Variants in CEP120 observed in about 807,000 individuals in gnomAD.
The protein encoded by CEP120 is centrosomal protein 120.
Under a neutral mutation model 126.5 loss-of-function variants are expected in CEP120, and 113 were observed. The ratio of observed to expected loss-of-function variants is 0.89; its 90% CI spans 0.77 to 1.04. The LOEUF is 1.04. Among genes scored for constraint, CEP120 ranks in the 50% least tolerant of loss-of-function variants. The pLI is 0.00. For synonymous variants in CEP120, 400 were observed against 394.3 expected (o/e 1.01, Z -0.17); for missense variants, 1,230 against 1,155.7 (o/e 1.06, Z -0.93).
Position 123,364,509 on chromosome 5 carries a change from G to C in CEP120, c.2567C>G (p.Ala856Gly), listed in dbSNP as rs774882184. ...QQWGRALKEL[A>G]RLKQREQESQ... ...TAAACTACATACCTGTTTAAGTCTG[G>C]CAAGTTCTTTCAAAGCTCGTCCCCA... Residue 856 changes from alanine (A) to glycine (G), a missense_variant, in exon 18 of 20, where the codon GCC becomes GGC. Ala to Gly is a moderately conservative substitution (Grantham distance 60). Coordinates refer to ENST00000306467, the MANE Select transcript of CEP120 (RefSeq NM_001375405.1). 1.2e-6 allele frequency: 2 copies of C among 1,603,830 alleles called. No homozygotes were observed. Among genetic ancestry groups the C allele is most frequent in the Non-Finnish European group, 1.7e-6 (2 of 1,173,374 alleles).
intron 3 of CEP120, 140 bp downstream of exon 3, chr5:123,415,867 CAAA>C: frequency 1.6e-5 from 7 of 431,372 alleles, no homozygotes; most frequent in East Asian, 4.0e-5. Context: ...GACTCCGTCT[CAAA>C]AAAAAAAAGA....
intron 1 of CEP120, chr5:123,422,566 C>G (rs1042949780): frequency 6.5e-7 from 1 of 1,534,442 alleles, no homozygotes; most frequent in Non-Finnish European, 8.7e-7. Flanking sequence ...CTTCTGGAAT[C>G]GCAGGAAGCC....
intron 5 of CEP120, among the ~76,000 whole-genome samples, chr5:123,395,731 G>A (rs986263706): frequency 1.4e-5 from 2 of 145,668 alleles, no homozygotes; most frequent in South Asian, 2.2e-4. Flanking sequence ...ACCCAGGCTC[G>A]AGTGCAGTCG....
Position 123,346,569 on chromosome 5 carries a change from G to A in CEP120, c.2911C>T (p.Leu971Phe). Residue 971 changes from leucine (L) to phenylalanine (F), a missense_variant, in exon 20 of 20, where the codon CTC becomes TTC. Leu to Phe is a conservative substitution (Grantham distance 22, BLOSUM62 0). Transcript: ENST00000306467. ...AAAATCTCTCTGATCTGTCGGTCGA[G>A]TTCACTTATTATTCGATCCTCGTGA... ...YNHEDRIISE[L>F]DRQIREILAK... The A allele has an allele frequency of 6.2e-7, 1 of 1,613,678 alleles. No homozygotes were observed. The highest frequency in any genetic ancestry group is 8.5e-7 in the Non-Finnish European group (1 of 1,179,860).
chr5:123,415,389 C>T (rs1049991226), intron 3 of CEP120, among the ~76,000 whole-genome samples: 3 of 152,122 alleles, frequency 2.0e-5, no homozygotes, highest in Non-Finnish European at 2.9e-5. Context: ...TTCACTGAAG[C>T]AGGAAACATT....
intron 2 of CEP120, among the ~76,000 whole-genome samples, chr5:123,416,862 AAAAC>A (rs1338602045): frequency 6.6e-6 from 1 of 152,106 alleles, no homozygotes; most frequent in Non-Finnish European, 1.5e-5. Flanking sequence ...TTGTAGCTAA[AAAAC>A]AAACAGGAAT....
intron 4 of CEP120, among the ~76,000 whole-genome samples, chr5:123,407,755 C>T (rs188820968): frequency 1.3e-5 from 2 of 152,260 alleles, no homozygotes; most frequent in African/African-American, 4.8e-5. Context: ...CAAACAACAA[C>T]AGCAGAATAC....
In CEP120 at chr5:123,364,597, A is replaced by G. The variant is rs1770323932; in HGVS notation, c.2482-3T>C. 6.4e-7 allele frequency: 1 copy of G among 1,573,924 alleles called. No homozygotes were observed. The highest frequency in any genetic ancestry group is 8.7e-7 in the Non-Finnish European group (1 of 1,149,474). On this transcript the variant is annotated splice_region_variant and splice_polypyrimidine_tract_variant and intron_variant, in intron 17 of 19. Coordinates refer to ENST00000306467, the MANE Select transcript of CEP120 (RefSeq NM_001375405.1). Reference sequence around the variant, plus strand: ...TCCAACTTTCTTTCAAGTTCAACCTAACAGTGATTAAAATCATATCAAGTG... The same window carrying G: ...TCCAACTTTCTTTCAAGTTCAACCTGACAGTGATTAAAATCATATCAAGTG...
chr5:123,401,667 G>A, intron 4 of CEP120: 2 of 1,415,454 alleles, frequency 1.4e-6, no homozygotes, highest in African/African-American at 1.4e-5. Context: ...TCATACAGCT[G>A]CCTGAGGAAG....
chr5:123,393,763 G>T (rs1772566211), intron 5 of CEP120, among the ~76,000 whole-genome samples: 1 of 152,158 alleles, frequency 6.6e-6, no homozygotes, highest in Admixed American at 6.5e-5. Context: ...GTCCATGAAA[G>T]AATATGTGAA....
chr5:123,373,380 C>G (rs1770981914), intron 16 of CEP120, among the ~76,000 whole-genome samples: 1 of 152,058 alleles, frequency 6.6e-6, no homozygotes, highest in Non-Finnish European at 1.5e-5. Flanking sequence ...TTAATTAAAT[C>G]AAGGAGTGAC....
chr5:123,348,977 AAC>A lies in CEP120; in HGVS notation c.2726+965_2726+966del, dbSNP rs1313999672. On this transcript the variant is annotated intron_variant, in intron 19 of 19. Coordinates refer to ENST00000306467, the MANE Select transcript of CEP120 (RefSeq NM_001375405.1). ...TACCCAGTCTGTGGTATTTTTTTTT[AAC>A]CAGTCCAAGTTAACTAAAACTGCAC... Among the ~76,000 whole-genome samples, 25 of 152,158 alleles carry A rather than the reference AAC, an allele frequency of 1.6e-4. No individual in the cohort carries two copies. The East Asian group carries it at 3.3e-3, about 20-fold the overall frequency.
intron 3 of CEP120, among the ~76,000 whole-genome samples, chr5:123,414,641 G>T (rs989631823): frequency 2.6e-5 from 4 of 152,016 alleles, no homozygotes; most frequent in Non-Finnish European, 5.9e-5. Flanking sequence ...TCTAAAGTCG[G>T]TCACATACAA....
At chr5:123,400,574 A>G (rs1773121117) in intron 4 of CEP120, among the ~76,000 whole-genome samples, 1 of 151,836 alleles carries the variant, frequency 6.6e-6, no homozygotes, top group African/African-American at 2.4e-5. Flanking sequence ...GCGTCTATAT[A>G]CATATATATA....
intron 18 of CEP120, among the ~76,000 whole-genome samples, chr5:123,350,825 TA>T (rs1769153316): frequency 6.6e-6 from 1 of 152,204 alleles, no homozygotes; most frequent in African/African-American, 2.4e-5. Context: ...GGTCAATAGA[TA>T]AAGTCTTTTA....
At chr5:123,403,635 C>T (rs1248781231) in intron 4 of CEP120, 2 of 364,828 alleles carry the variant, frequency 5.5e-6, no homozygotes, top group Non-Finnish European at 1.1e-5. Flanking sequence ...ACATACAACA[C>T]TTTAATCAAG....
chr5:123,412,312 A>G, intron 4 of CEP120, 87 bp downstream of exon 4: 3 of 1,287,084 alleles, frequency 2.3e-6, no homozygotes, highest in Non-Finnish European at 3.2e-6. Flanking sequence ...CACCCTGCAT[A>G]TATGTCCCTA....
chr5:123,360,780 C>A lies in CEP120; in HGVS notation c.2580+3716G>T, dbSNP rs187489657. ...GGAAGGAGGGATTCTTGCAGTGGAG[C>A]CTTTCACACTGAATCTTCTTTTAAA... On this transcript the variant is annotated intron_variant, in intron 18 of 19. Transcript: ENST00000306467. Among the ~76,000 whole-genome samples, 3 of 151,598 alleles carry A rather than the reference C, an allele frequency of 2.0e-5. No homozygotes were observed. In the South Asian group the frequency reaches 6.2e-4, roughly 31 times the overall value.
At chr5:123,415,834 T>C (rs1228908743) in intron 3 of CEP120, among the ~76,000 whole-genome samples, 176 bp downstream of exon 3, 1 of 152,004 alleles carries the variant, frequency 6.6e-6, no homozygotes, top group African/African-American at 2.4e-5. Context: ...ATTGTGCTAT[T>C]GCACTCCAGC....
Sources: allele counts gnomAD v4.1 joint callset (sites outside exome capture counted in the v4.1 genomes callset), GRCh38; gene constraint gnomAD v4.1.1; transcripts MANE v1.5; gene names NCBI Gene and HGNC (gene_info 2026-07-23, HGNC 2026-07-21).